Variants in PDIA5 observed in about 807,000 individuals in gnomAD.
The protein encoded by PDIA5 is protein disulfide isomerase family A member 5.
In PDIA5, 58 loss-of-function variants were observed where a neutral mutation model predicts 77.6. The observed-to-expected ratio is 0.75, with a 90% CI of 0.61 to 0.93. The LOEUF is 0.93. Ranked by LOEUF, PDIA5 falls within the 40% of genes least tolerant of loss-of-function variation. The pLI is 0.00. For missense variants in PDIA5, 630 were observed against 647.7 expected (o/e 0.97, Z 0.30); for synonymous variants, 250 against 252.1 (o/e 0.99, Z 0.08).
chr3:123,093,378 A>G (rs187253054), intron 3 of PDIA5, among the ~76,000 whole-genome samples: 1 of 152,194 alleles, frequency 6.6e-6, no homozygotes, highest in Non-Finnish European at 1.5e-5. Context: ...ATTCTAGTTC[A>G]TAGTTGGTCC....
intron 14 of PDIA5, among the ~76,000 whole-genome samples, chr3:123,153,191 TGACAGTTACCTTTA>T (rs1935951946): frequency 6.6e-6 from 1 of 152,184 alleles, no homozygotes; most frequent in Non-Finnish European, 1.5e-5. Flanking sequence ...TACACTAGGC[TGACAGTTACCTTTA>T]GACTTTCAAT....
intron 1 of PDIA5, among the ~76,000 whole-genome samples, chr3:123,069,695 C>T (rs1933675606): frequency 1.3e-5 from 2 of 152,082 alleles, no homozygotes; most frequent in Non-Finnish European, 2.9e-5. Flanking sequence ...CATGAGCGAT[C>T]CACCCTCATG....
In PDIA5 at chr3:123,112,366, C is replaced by T. The variant is rs538201050; in HGVS notation, c.541+1362C>T. Among the ~76,000 whole-genome samples the T allele has an allele frequency of 1.7e-3, 252 of 151,994 alleles. 1 individual carries two copies. Among genetic ancestry groups the T allele is most frequent in the African/African-American group, 5.7e-3 (238 of 41,446 alleles). Reference sequence around the variant, plus strand: ...AGAGTTCTGTTTGCTCATGAAAGCCCATCTCGAATCCCACTTCCTGAGAAG... The same window carrying T: ...AGAGTTCTGTTTGCTCATGAAAGCCTATCTCGAATCCCACTTCCTGAGAAG... On this transcript the variant is annotated intron_variant, in intron 7 of 16. Transcript: ENST00000316218.
intron 1 of PDIA5, among the ~76,000 whole-genome samples, chr3:123,073,157 G>A (rs1933768709): frequency 6.6e-6 from 1 of 152,204 alleles, no homozygotes; most frequent in South Asian, 2.1e-4. Flanking sequence ...GCATTTCCAC[G>A]TATTTCACGA....
At chr3:123,145,665 C>T in intron 12 of PDIA5, 73 bp downstream of exon 12, 1 of 1,286,116 alleles carries the variant, frequency 7.8e-7, no homozygotes, top group Non-Finnish European at 1.1e-6. Context: ...TTATGACTTT[C>T]CCCTGCAAGC....
At chr3:123,132,595 G>A (rs918170946) in intron 11 of PDIA5, among the ~76,000 whole-genome samples, 1 of 152,202 alleles carries the variant, frequency 6.6e-6, no homozygotes, top group Non-Finnish European at 1.5e-5. Context: ...GGGCATCCCC[G>A]AGGGTAAAGG....
intron 1 of PDIA5, 190 bp downstream of exon 1, chr3:123,067,396 C>G: frequency 2.1e-6 from 1 of 468,864 alleles, no homozygotes; most frequent in Non-Finnish European, 3.4e-6. Flanking sequence ...GTGCCCTCGC[C>G]GCCAAGCGCT....
intron 6 of PDIA5, among the ~76,000 whole-genome samples, chr3:123,108,948 C>T (rs993361372): frequency 1.3e-5 from 2 of 152,052 alleles, no homozygotes; most frequent in Non-Finnish European, 1.5e-5. Flanking sequence ...GCACATGTGC[C>T]TAGACCCATG....
chr3:123,111,506 T>C (rs912044122), intron 7 of PDIA5, among the ~76,000 whole-genome samples: 1 of 152,212 alleles, frequency 6.6e-6, no homozygotes, highest in Non-Finnish European at 1.5e-5. Context: ...GGTTCCAGGA[T>C]TTGGGCTCAG....
intron 14 of PDIA5, among the ~76,000 whole-genome samples, chr3:123,151,987 GCCTTCCTGCCTTCCTT>G (rs1935919455): frequency 9.6e-6 from 1 of 104,074 alleles, no homozygotes; most frequent in African/African-American, 5.2e-5. Context: ...CTTCCTTCCT[GCCTTCCTGCCTTCCTT>G]CCTTCCTTCC....
chr3:123,135,312 G>T (rs1935472078), intron 11 of PDIA5, among the ~76,000 whole-genome samples: 6 of 152,152 alleles, frequency 3.9e-5, no homozygotes, highest in Admixed American at 3.9e-4. Context: ...CCAGAGAGGG[G>T]TGTTCCTGAG....
At chr3:123,152,099 GCCTT>G (rs55766491) in intron 14 of PDIA5, among the ~76,000 whole-genome samples, 27,001 of 78,602 alleles carry the variant, frequency 0.34, 7,103 homozygotes, top group East Asian at 0.48. Context: ...CTGCCTTCCT[GCCTT>G]CCTTCCTTCC....
rs149151194 is a variant in PDIA5 at position 123,145,309 on chromosome 3, A to C, written c.911-213A>C. 4.6e-4 allele frequency: 254 copies of C among 555,620 alleles called. 1 individual carries two copies. Among genetic ancestry groups the C allele is most frequent in the African/African-American group, 4.3e-3 (227 of 52,560 alleles). 34.4% of individuals were successfully genotyped at this position (555,620 alleles called of 1,614,324 possible). Reference sequence around the variant, plus strand: ...CACCAGTTGCCCGTATTATTTATGCAGTTGTTTTATTTTTGTGTCTGGGGT... The same window carrying C: ...CACCAGTTGCCCGTATTATTTATGCCGTTGTTTTATTTTTGTGTCTGGGGT... On this transcript the variant is annotated intron_variant, in intron 11 of 16. Coordinates refer to ENST00000316218, the MANE Select transcript of PDIA5 (RefSeq NM_006810.4).
intron 5 of PDIA5, among the ~76,000 whole-genome samples, chr3:123,103,429 G>A (rs1405939135): frequency 6.6e-6 from 1 of 152,192 alleles, no homozygotes; most frequent in African/African-American, 2.4e-5. Flanking sequence ...TTCTGGTCCT[G>A]CGCTGGCTGA....
chr3:123,148,533 T>C (rs1420862674), intron 13 of PDIA5, among the ~76,000 whole-genome samples: 5 of 151,440 alleles, frequency 3.3e-5, no homozygotes, highest in Non-Finnish European at 1.5e-5. Context: ...GGTGCCATTG[T>C]ACTCCAGCCT....
intron 8 of PDIA5, among the ~76,000 whole-genome samples, chr3:123,117,177 C>T (rs1356117874): frequency 6.6e-6 from 1 of 151,774 alleles, no homozygotes; most frequent in African/African-American, 2.4e-5. Context: ...AAACACATAA[C>T]ATTACATTGA....
At chr3:123,158,028 C>T (rs1936057940) in intron 15 of PDIA5, among the ~76,000 whole-genome samples, 1 of 152,252 alleles carries the variant, frequency 6.6e-6, no homozygotes, top group Non-Finnish European at 1.5e-5. Context: ...CTGGCCATGA[C>T]ATGTAGGTCC....
intron 11 of PDIA5, among the ~76,000 whole-genome samples, chr3:123,131,826 C>G (rs745891215): frequency 4.6e-5 from 7 of 151,848 alleles, no homozygotes; most frequent in Non-Finnish European, 1.0e-4. Context: ...CCTGGGAAGG[C>G]AGACAAGGCC....
intron 1 of PDIA5, among the ~76,000 whole-genome samples, chr3:123,072,591 C>T (rs138251294): frequency 1.3e-5 from 2 of 152,308 alleles, no homozygotes; most frequent in Admixed American, 6.5e-5. Context: ...TCCTCTCTGC[C>T]AGGCTGCTGC....
Sources: allele counts gnomAD v4.1 joint callset (sites outside exome capture counted in the v4.1 genomes callset), GRCh38; gene constraint gnomAD v4.1.1; transcripts MANE v1.5; gene names NCBI Gene and HGNC (gene_info 2026-07-23, HGNC 2026-07-21).